The following VPS54 variants were observed in gnomAD, a reference collection of about 807,000 sequenced individuals.
The protein encoded by VPS54 is vacuolar protein sorting-associated protein 54.
VPS54 carries 45 observed loss-of-function variants against 121.5 expected under a neutral mutation model. That is an observed-to-expected ratio of 0.37 (90% CI 0.29 to 0.47). The LOEUF is 0.47. Among genes scored for constraint, VPS54 ranks in the 20% least tolerant of loss-of-function variants. The probability of loss-of-function intolerance (pLI) is 0.99; values close to 1 mark genes in which losing one functional copy is unlikely to be tolerated. For synonymous variants in VPS54, 371 were observed against 385.8 expected, an observed-to-expected ratio of 0.96 and a Z score of 0.45; for missense variants, 1,090 against 1,131.4, an observed-to-expected ratio of 0.96 and a Z score of 0.52.
In VPS54 at chr2:64,015,332, CCTTTT is replaced by C. The variant is rs1678630739; in HGVS notation, c.-21+3601_-21+3605del. Among the ~76,000 whole-genome samples the C allele has an allele frequency of 4.6e-5, 7 of 152,106 alleles. No individual in the cohort carries two copies. In the South Asian group the frequency reaches 1.5e-3, roughly 32 times the overall value. On this transcript the variant is annotated intron_variant, in intron 1 of 22. Transcript: ENST00000272322. ...TCTGCGTCATGTCGTAAACAGATTT[CCTTTT>C]ATTTTTCCCTCAATTCCTCCTCTTG... is the stretch of plus-strand genomic sequence containing the variant.
intron 1 of VPS54, among the ~76,000 whole-genome samples, chr2:64,000,760 T>C (rs1321054665): frequency 1.3e-5 from 2 of 152,206 alleles, no homozygotes; most frequent in African/African-American, 4.8e-5. Context: ...CTGAGCTGCA[T>C]GGGGCTTGCA....
chr2:64,009,586 G>A (rs1266808938), intron 1 of VPS54, among the ~76,000 whole-genome samples: 2 of 151,492 alleles, frequency 1.3e-5, no homozygotes, highest in African/African-American at 4.9e-5. Flanking sequence ...AAAGTGCTGG[G>A]ATTACAGGCG....
chr2:63,965,977 A>C lies in VPS54; in HGVS notation c.493-11T>G. On this transcript the variant is annotated splice_polypyrimidine_tract_variant and intron_variant, in intron 5 of 22. Coordinates refer to ENST00000272322, the MANE Select transcript of VPS54 (RefSeq NM_016516.3). ...TGGTTTCATAAAAATCTATTAAAAAAATGCATTTCCCTCAATTAGATAAGT... is the reference window on the plus strand; with the variant it reads ...TGGTTTCATAAAAATCTATTAAAAACATGCATTTCCCTCAATTAGATAAGT... 6.2e-7 allele frequency: 1 copy of C among 1,601,726 alleles called. No homozygotes were observed. Among genetic ancestry groups the C allele is most frequent in the East Asian group, 2.2e-5 (1 of 44,684 alleles).
intron 3 of VPS54, among the ~76,000 whole-genome samples, chr2:63,972,448 C>A (rs548110047): frequency 2.0e-5 from 3 of 152,114 alleles, no homozygotes; most frequent in East Asian, 1.9e-4. Context: ...CATCTATATA[C>A]CTACATCCAT....
At chr2:63,912,083 T>C (rs1043823082) in intron 20 of VPS54, among the ~76,000 whole-genome samples, 1 of 152,176 alleles carries the variant, frequency 6.6e-6, no homozygotes, top group African/African-American at 2.4e-5. Flanking sequence ...ATCAACTGTT[T>C]TGGAAATCCG....
chr2:63,942,961 C>A (rs561742222), intron 10 of VPS54, among the ~76,000 whole-genome samples: 1 of 152,240 alleles, frequency 6.6e-6, no homozygotes, highest in African/African-American at 2.4e-5. Context: ...GCCCTGGAAC[C>A]ACAACACAAT....
intron 1 of VPS54, among the ~76,000 whole-genome samples, chr2:63,992,310 T>C (rs910010941): frequency 2.0e-5 from 3 of 152,198 alleles, no homozygotes; most frequent in African/African-American, 7.2e-5. Context: ...GTTTGAGGGT[T>C]TAGTAGATAC....
chr2:63,897,187 C>G (rs1672480080), intron 22 of VPS54, among the ~76,000 whole-genome samples: 1 of 152,162 alleles, frequency 6.6e-6, no homozygotes, highest in South Asian at 2.1e-4. Context: ...CATGGTCACA[C>G]AGTAGGACTT....
At chr2:63,912,235 C>T (rs753242409) in intron 20 of VPS54, 110 bp downstream of exon 20, 4 of 1,060,764 alleles carry the variant, frequency 3.8e-6, no homozygotes, top group Non-Finnish European at 5.4e-6. Flanking sequence ...GGTAAATATC[C>T]TATGAAAGTT....
chr2:63,919,145 A>T (rs1256487916), intron 15 of VPS54, among the ~76,000 whole-genome samples: 2 of 152,106 alleles, frequency 1.3e-5, no homozygotes, highest in Non-Finnish European at 2.9e-5. Context: ...TTATTATCAC[A>T]TGATGACTCC....
rs182654530 is a variant in VPS54 at position 63,901,959 on chromosome 2, G to A, written c.2626-2378C>T. 6.6e-5 allele frequency among the ~76,000 whole-genome samples: 10 copies of A among 152,246 alleles called. No homozygotes were observed. In the East Asian group the frequency reaches 1.9e-3, roughly 29 times the overall value. On this transcript the variant is annotated intron_variant, in intron 20 of 22. Coordinates refer to ENST00000272322, the MANE Select transcript of VPS54 (RefSeq NM_016516.3). ...GAACCCGGGAGGCAGAAGTTGCAGT[G>A]AGCTGAGATCACACCATTGCACTCC...
intron 3 of VPS54, among the ~76,000 whole-genome samples, chr2:63,975,880 G>T (rs1199023477): frequency 6.6e-6 from 1 of 152,138 alleles, no homozygotes; most frequent in Non-Finnish European, 1.5e-5. Context: ...TACATAGCTG[G>T]GATTACAGGC....
At chr2:63,997,114 T>C (rs1677633318) in intron 1 of VPS54, among the ~76,000 whole-genome samples, 1 of 152,218 alleles carries the variant, frequency 6.6e-6, no homozygotes, top group Non-Finnish European at 1.5e-5. Context: ...AGAGAACCTA[T>C]GTTGAAATAC....
At chr2:63,968,068 A>AT (rs1217806988) in intron 5 of VPS54, among the ~76,000 whole-genome samples, 1 of 152,142 alleles carries the variant, frequency 6.6e-6, no homozygotes, top group African/African-American at 2.4e-5. Context: ...ATTTTGTAGG[A>AT]TCAAATAAAT....
In VPS54 at chr2:63,972,291, T is replaced by A. The variant is rs749427135; in HGVS notation, c.379-47A>T. 8 of 1,397,824 alleles carry A rather than the reference T, an allele frequency of 5.7e-6. No individual in the cohort carries two copies. In the South Asian group the frequency reaches 1.1e-4, roughly 18 times the overall value. The allele number at this position is 1,397,824 out of a possible 1,614,324, so 86.6% of individuals were successfully genotyped here. On this transcript the variant is annotated intron_variant, in intron 3 of 22. Transcript: ENST00000272322. ...TCATCAATGTATGTGTAAACATGAG[T>A]ATTCAAAGCATGAAAGTGTTTTGCA...
chr2:63,903,690 T>C (rs1463998136), intron 20 of VPS54, among the ~76,000 whole-genome samples: 3 of 152,136 alleles, frequency 2.0e-5, no homozygotes, highest in Non-Finnish European at 2.9e-5. Flanking sequence ...GGAAGTAATG[T>C]CATATTATTT....
At chr2:63,930,481 T>A (rs2104476381) in intron 12 of VPS54, among the ~76,000 whole-genome samples, 1 of 152,268 alleles carries the variant, frequency 6.6e-6, no homozygotes, top group Admixed American at 6.5e-5. Flanking sequence ...TGCTAAAAAC[T>A]CTCAATAAAC....
chr2:63,980,424 T>G (rs1009700739), intron 3 of VPS54, among the ~76,000 whole-genome samples: 1 of 152,132 alleles, frequency 6.6e-6, no homozygotes, highest in African/African-American at 2.4e-5. Flanking sequence ...TTAAACCATT[T>G]AGATTTGGTG....
chr2:63,997,345 G>A (rs945759440), intron 1 of VPS54, among the ~76,000 whole-genome samples: 1 of 152,142 alleles, frequency 6.6e-6, no homozygotes, highest in African/African-American at 2.4e-5. Context: ...ACTTTTTACT[G>A]GGAGACTTTT....
Sources: gnomAD v4.1 joint callset for allele counts (sites outside exome capture counted in the v4.1 genomes callset) on GRCh38, gnomAD v4.1.1 for gene constraint, MANE v1.5 for transcripts, NCBI Gene and HGNC (gene_info 2026-07-23, HGNC 2026-07-21) for gene names.